Variants in ZNF415 observed in about 807,000 individuals in gnomAD.
ZNF415 encodes the protein zinc finger protein 415.
ZNF415 carries 5 observed loss-of-function variants against 7.3 expected under a neutral mutation model. The ratio of observed to expected loss-of-function variants is 0.69; its 90% CI spans 0.36 to 1.44. The LOEUF (loss-of-function observed/expected upper bound fraction) is 1.44. Among genes scored for constraint, ZNF415 ranks in the 40% most tolerant of loss-of-function variants. The pLI is 0.04. For synonymous variants in ZNF415, 207 were observed against 226.3 expected (o/e 0.91, Z 0.77); for missense variants, 628 against 664.8 (o/e 0.94, Z 0.61).
At chr19:53,110,648 C>T (rs1374299865) in intron 3 of ZNF415, among the ~76,000 whole-genome samples, 1 of 152,176 alleles carries the variant, frequency 6.6e-6, no homozygotes, top group Non-Finnish European at 1.5e-5. Flanking sequence ...AAACTAGTAA[C>T]TACACTTGTA....
intron 1 of ZNF415, among the ~76,000 whole-genome samples, chr19:53,128,241 G>A (rs866607905): frequency 3.9e-5 from 6 of 151,968 alleles, no homozygotes; most frequent in Admixed American, 6.6e-5. Context: ...GCAGGACAGT[G>A]GGCCTCAAGT....
chr19:53,129,348 C>T (rs1406003425), intron 1 of ZNF415, among the ~76,000 whole-genome samples: 2 of 152,136 alleles, frequency 1.3e-5, no homozygotes, highest in Admixed American at 6.5e-5. Flanking sequence ...GGTTCCCTGC[C>T]AGGGACTGAC....
At position 53,116,454 on chromosome 19, in the gene ZNF415, A is replaced by G. The variant is rs767333679; in HGVS notation, c.16-21T>C. ...GTCAACTGTCCGTAAAATAATAAAC[A>G]CATTTCACCAAGAGGTTATGAAGGG... On this transcript the variant is annotated intron_variant, in intron 2 of 3. Coordinates refer to ENST00000243643, the MANE Select transcript of ZNF415 (RefSeq NM_018355.4). The G allele has an allele frequency of 1.9e-6, 3 of 1,613,948 alleles. No individual in the cohort carries two copies. The East Asian group carries it at 6.7e-5, about 36-fold the overall frequency.
Position 53,108,246 on chromosome 19 carries a change from T to C in ZNF415, c.*131A>G. The C allele has an allele frequency of 1.2e-6, 1 of 837,002 alleles. No homozygotes were observed. Among genetic ancestry groups the C allele is most frequent in the Middle Eastern group, 2.7e-4 (1 of 3,654 alleles). The allele number at this position is 837,002 out of a possible 1,614,324, so 51.8% of individuals were successfully genotyped here. ...GTAAGGATTCTCTCAAGAATGAAAT[T>C]CTCTGATGCTGTGTAGGAGTGAATT... On this transcript the variant is annotated 3_prime_UTR_variant, in exon 4 of 4. Transcript: ENST00000243643.
At chr19:53,118,450 A>G (rs1005240903) in intron 2 of ZNF415, among the ~76,000 whole-genome samples, 14 of 152,230 alleles carry the variant, frequency 9.2e-5, no homozygotes, top group African/African-American at 3.1e-4. Flanking sequence ...AAACAGATCT[A>G]AGAGATATTT....
chr19:53,129,852 C>G (rs1384852126), intron 1 of ZNF415: 2 of 369,220 alleles, frequency 5.4e-6, no homozygotes, highest in Non-Finnish European at 9.6e-6. Context: ...TTACTTGAGG[C>G]CAGGAGTTTG....
intron 2 of ZNF415, 159 bp downstream of exon 2, chr19:53,122,503 A>G (rs2088275148): frequency 6.3e-7 from 1 of 1,584,210 alleles, no homozygotes; most frequent in Non-Finnish European, 8.6e-7. Flanking sequence ...ACGGAATCTC[A>G]GTAGAGATGA....
intron 1 of ZNF415, among the ~76,000 whole-genome samples, chr19:53,127,623 A>G (rs2089381242): frequency 6.6e-6 from 1 of 152,204 alleles, no homozygotes; most frequent in Non-Finnish European, 1.5e-5. Flanking sequence ...TCCCACCTGT[A>G]ATCCCAGCAC....
intron 3 of ZNF415, chr19:53,116,035 C>G (rs564903783): frequency 1.6e-6 from 1 of 614,120 alleles, no homozygotes; most frequent in East Asian, 2.7e-5. Context: ...AATCAAAGCA[C>G]AGGGGCAGAA....
intron 1 of ZNF415, among the ~76,000 whole-genome samples, chr19:53,125,373 T>C (rs12462058): frequency 0.036 from 5,420 of 151,382 alleles, 195 homozygotes; most frequent in South Asian, 0.091. Context: ...ATCTTGCTGT[T>C]GGCCAGGCTA....
chr19:53,125,462 G>C (rs1476101500), intron 1 of ZNF415, among the ~76,000 whole-genome samples: 1 of 151,732 alleles, frequency 6.6e-6, no homozygotes, highest in East Asian at 1.9e-4. Context: ...AGCCTCTCGA[G>C]TAGCTAGGAC....
chr19:53,115,500 T>C (rs376581987), intron 3 of ZNF415, among the ~76,000 whole-genome samples: 11 of 152,052 alleles, frequency 7.2e-5, no homozygotes, highest in African/African-American at 2.7e-4. Context: ...TTGTCTCTGT[T>C]TGAGCTGCAG....
intron 2 of ZNF415, among the ~76,000 whole-genome samples, chr19:53,121,779 C>A (rs1047389216): frequency 6.6e-6 from 1 of 152,108 alleles, no homozygotes; most frequent in African/African-American, 2.4e-5. Flanking sequence ...GAATAAAACG[C>A]CCTCTAGTAC....
In ZNF415 at chr19:53,130,066, C is replaced by CA. The variant is rs11314090; in HGVS notation, c.-68+2789dup. Among the ~76,000 whole-genome samples the CA allele has an allele frequency of 4.0e-3, 494 of 123,444 alleles. 3 individuals carry two copies. The highest frequency in any genetic ancestry group is 0.01 in the African/African-American group (350 of 33,904). 81.0% of individuals were successfully genotyped at this position (123,444 alleles called of 152,430 possible). On this transcript the variant is annotated intron_variant, in intron 1 of 3. Coordinates refer to ENST00000243643, the MANE Select transcript of ZNF415 (RefSeq NM_018355.4). ...GGTGAGAGAGCAAGACTCCAGCTCACAAAAAAAAAAAAAAAGAAAAGAAAA... is the reference window on the plus strand; with the variant it reads ...GGTGAGAGAGCAAGACTCCAGCTCACAAAAAAAAAAAAAAAAGAAAAGAAAA...
chr19:53,132,554 A>G (rs1650931), intron 1 of ZNF415, among the ~76,000 whole-genome samples: 118,259 of 152,198 alleles, frequency 0.78, 46,403 homozygotes, highest in African/African-American at 0.89. Flanking sequence ...CGACGAGGGC[A>G]AGGCTGGGAG....
chr19:53,131,162 C>G (rs2090028470), intron 1 of ZNF415, among the ~76,000 whole-genome samples: 1 of 145,786 alleles, frequency 6.9e-6, no homozygotes, highest in Non-Finnish European at 1.5e-5. Context: ...CCAATGTGGC[C>G]CAGGGAAGCC....
chr19:53,122,474 G>A, intron 2 of ZNF415, 188 bp downstream of exon 2: 1 of 1,553,448 alleles, frequency 6.4e-7, no homozygotes, highest in Non-Finnish European at 8.7e-7. Context: ...AGAAGTTCAT[G>A]TCACAGGGTC....
At position 53,108,565 on chromosome 19, in the gene ZNF415, T is replaced by C. The variant is rs2146179026; in HGVS notation, c.1480A>G (p.Lys494Glu). The C allele has an allele frequency of 1.9e-6, 3 of 1,612,702 alleles. No individual in the cohort carries two copies. Among genetic ancestry groups the C allele is most frequent in the East Asian group, 2.2e-5 (1 of 44,874 alleles). ...CCACACTCATTACATTTGTAAGGTT[T>C]TTCTCCAGTATGGATGACCTGATGG... ...TTHQVIHTGE[K>E]PYKCNECGKS... The change falls in exon 4 of 4, where the codon AAA (lysine) becomes GAA (glutamate). Residue 494 changes from lysine to glutamate, a missense_variant. Physicochemically the swap from Lys to Glu is moderately conservative, Grantham distance 56. Coordinates refer to ENST00000243643, the MANE Select transcript of ZNF415 (RefSeq NM_018355.4).
chr19:53,110,530 A>G (rs2086077784), intron 3 of ZNF415, among the ~76,000 whole-genome samples: 1 of 152,204 alleles, frequency 6.6e-6, no homozygotes. Context: ...TTAATGAGTG[A>G]TGCATGTCAG....
Sources: allele counts gnomAD v4.1 joint callset (sites outside exome capture counted in the v4.1 genomes callset), GRCh38; gene constraint gnomAD v4.1.1; transcripts MANE v1.5; gene names NCBI Gene and HGNC (gene_info 2026-07-23, HGNC 2026-07-21).